RSU1: variants seen among roughly 807,000 people sequenced by gnomAD.
RSU1 encodes the protein Ras suppressor protein 1.
Under a neutral mutation model 31.1 loss-of-function variants are expected in RSU1, and 26 were observed. That is an observed-to-expected ratio of 0.84 (90% CI 0.61 to 1.16). The LOEUF is 1.16. Among genes scored for constraint, RSU1 ranks in the 50% most tolerant of loss-of-function variants. The pLI is 0.00. For missense variants in RSU1, 320 were observed against 339.1 expected (o/e 0.94, Z 0.44); for synonymous variants, 164 against 136.3 (o/e 1.20, Z -1.41).
intron 7 of RSU1, among the ~76,000 whole-genome samples, chr10:16,700,648 G>GA (rs35844511): frequency 2.0e-5 from 3 of 152,214 alleles, no homozygotes; most frequent in Non-Finnish European, 2.9e-5. Context: ...GCCGACTCTG[G>GA]AAAGTTCCTA....
At chr10:16,642,440 T>A (rs1222898215) in intron 8 of RSU1, among the ~76,000 whole-genome samples, 2 of 152,222 alleles carry the variant, frequency 1.3e-5, no homozygotes, top group African/African-American at 2.4e-5. Flanking sequence ...GATAGATTTT[T>A]GAGTCTCTAA....
At chr10:16,665,223 G>T (rs1001601085) in intron 8 of RSU1, among the ~76,000 whole-genome samples, 1 of 152,096 alleles carries the variant, frequency 6.6e-6, no homozygotes, top group Non-Finnish European at 1.5e-5. Context: ...GGGATTACAG[G>T]CATGAGCCAC....
intron 8 of RSU1, among the ~76,000 whole-genome samples, chr10:16,649,257 T>C (rs749411395): frequency 6.6e-6 from 1 of 152,194 alleles, no homozygotes; most frequent in Non-Finnish European, 1.5e-5. Context: ...ATATTCAGCA[T>C]GTATGAAAAC....
Position 16,753,184 on chromosome 10 carries a change from G to T in RSU1, c.401-184C>A, listed in dbSNP as rs574874156. ...GATTTACTGGCTTATTGTGTAGCTGGTGTGTCCAGGAAAACATCTATATCC... is the reference window on the plus strand; with the variant it reads ...GATTTACTGGCTTATTGTGTAGCTGTTGTGTCCAGGAAAACATCTATATCC... On this transcript the variant is annotated intron_variant, in intron 5 of 8. Coordinates refer to ENST00000345264, the MANE Select transcript of RSU1 (RefSeq NM_012425.4). 3.3e-4 allele frequency among the ~76,000 whole-genome samples: 50 copies of T among 152,286 alleles called. No homozygotes were observed. In the South Asian group the frequency reaches 0.01, roughly 32 times the overall value.
Position 16,817,393 on chromosome 10 carries a change from G to C in RSU1, c.-82C>G, listed in dbSNP as rs1838568600. 4.4e-5 allele frequency: 15 copies of C among 340,626 alleles called. No individual in the cohort carries two copies. The highest frequency in any genetic ancestry group is 4.2e-4 in the South Asian group (13 of 30,830). 21.1% of individuals were successfully genotyped at this position (340,626 alleles called of 1,614,324 possible). On this transcript the variant is annotated 5_prime_UTR_variant, in exon 1 of 9. Coordinates refer to ENST00000345264, the MANE Select transcript of RSU1 (RefSeq NM_012425.4). Reference sequence around the variant, plus strand: ...CGCACTCCAGCTGCCCTCACTCCCTGCAACACCGGCACTGAACAGCGAACA... The same window carrying C: ...CGCACTCCAGCTGCCCTCACTCCCTCCAACACCGGCACTGAACAGCGAACA...
intron 7 of RSU1, among the ~76,000 whole-genome samples, chr10:16,730,099 T>A (rs1471049164): frequency 6.6e-6 from 1 of 152,116 alleles, no homozygotes; most frequent in Admixed American, 6.6e-5. Flanking sequence ...TGTGTATAGA[T>A]GACAGCGAGA....
intron 7 of RSU1, among the ~76,000 whole-genome samples, chr10:16,751,956 G>GA: frequency 6.6e-6 from 1 of 152,122 alleles, no homozygotes. Flanking sequence ...ACCTGGCAGA[G>GA]AAACAGGATT....
chr10:16,736,616 T>C (rs1460884504), intron 7 of RSU1, among the ~76,000 whole-genome samples: 1 of 151,624 alleles, frequency 6.6e-6, no homozygotes, highest in Admixed American at 6.6e-5. Context: ...ATGTCTACGA[T>C]ACAGTAAAAA....
chr10:16,718,302 A>C (rs61575637), intron 7 of RSU1, among the ~76,000 whole-genome samples: 13,566 of 152,226 alleles, frequency 0.089, 1,048 homozygotes, highest in African/African-American at 0.21. Flanking sequence ...AAAAATTGAC[A>C]TCAAAAAAGG....
intron 8 of RSU1, among the ~76,000 whole-genome samples, chr10:16,601,162 G>C (rs1450789334): frequency 2.0e-5 from 3 of 152,130 alleles, no homozygotes; most frequent in African/African-American, 7.2e-5. Flanking sequence ...GGGACACTTT[G>C]GCTATGAATC....
At chr10:16,739,045 TC>T (rs1836695654) in intron 7 of RSU1, among the ~76,000 whole-genome samples, 1 of 152,160 alleles carries the variant, frequency 6.6e-6, no homozygotes, top group African/African-American at 2.4e-5. Flanking sequence ...ATGAACTCAT[TC>T]TTTTTTATGG....
chr10:16,633,268 T>C (rs1171095559), intron 8 of RSU1, among the ~76,000 whole-genome samples: 1 of 152,070 alleles, frequency 6.6e-6, no homozygotes, highest in Non-Finnish European at 1.5e-5. Context: ...TACAAATAAA[T>C]GGACTTTTGG....
At chr10:16,725,067 G>A (rs1215156315) in intron 7 of RSU1, among the ~76,000 whole-genome samples, 1 of 152,144 alleles carries the variant, frequency 6.6e-6, no homozygotes, top group Non-Finnish European at 1.5e-5. Context: ...AAACTCCAGT[G>A]GTGTTCTATT....
At chr10:16,695,509 T>C (rs987851503) in intron 7 of RSU1, among the ~76,000 whole-genome samples, 1 of 152,184 alleles carries the variant, frequency 6.6e-6, no homozygotes, top group African/African-American at 2.4e-5. Flanking sequence ...TCAGTATGCA[T>C]CATGCCTTGT....
At chr10:16,812,324 C>G (rs1438155257) in intron 2 of RSU1, among the ~76,000 whole-genome samples, 2 of 152,092 alleles carry the variant, frequency 1.3e-5, no homozygotes, top group African/African-American at 4.8e-5. Flanking sequence ...CGCCTGTAAC[C>G]CCAGTTACTG....
intron 8 of RSU1, among the ~76,000 whole-genome samples, chr10:16,650,741 G>A (rs560460686): frequency 1.4e-3 from 204 of 144,178 alleles, no homozygotes; most frequent in Non-Finnish European, 2.3e-3. Flanking sequence ...CACCACACCC[G>A]GCTACTTTTT....
chr10:16,657,897 C>G (rs572120115), intron 8 of RSU1, among the ~76,000 whole-genome samples: 8 of 151,974 alleles, frequency 5.3e-5, no homozygotes, highest in African/African-American at 1.9e-4. Context: ...GGCTGAGGCA[C>G]AAGAATTGCT....
chr10:16,722,985 CAT>C (rs1416207022), intron 7 of RSU1: 12 of 145,302 alleles, frequency 8.3e-5, no homozygotes, highest in African/African-American at 3.1e-4. Context: ...TATATACACA[CAT>C]ATACATATAT....
chr10:16,737,818 T>C (rs1836661809), intron 7 of RSU1, among the ~76,000 whole-genome samples: 2 of 151,742 alleles, frequency 1.3e-5, no homozygotes, highest in Admixed American at 1.3e-4. Flanking sequence ...CTAACATTTA[T>C]GGAACACTGA....
Sources: gnomAD v4.1 joint callset for allele counts (sites outside exome capture counted in the v4.1 genomes callset) on GRCh38, gnomAD v4.1.1 for gene constraint, MANE v1.5 for transcripts, NCBI Gene and HGNC (gene_info 2026-07-23, HGNC 2026-07-21) for gene names.